The following RPS6KC1 variants were observed in gnomAD, a reference collection of about 807,000 sequenced individuals.
RPS6KC1 encodes ribosomal protein S6 kinase C1, also known as inactive ribosomal protein S6 kinase delta-1.
RPS6KC1 carries 54 observed loss-of-function variants against 103.8 expected under a neutral mutation model. That is an observed-to-expected ratio of 0.52 (90% CI 0.42 to 0.65). The LOEUF (loss-of-function observed/expected upper bound fraction) is 0.65, where lower values mean the gene tolerates loss of function less well. Among genes scored for constraint, RPS6KC1 ranks in the 30% least tolerant of loss-of-function variants. RPS6KC1 has a pLI of 0.00. For synonymous variants in RPS6KC1, 439 were observed against 438.7 expected (o/e 1.00, Z -0.01); for missense variants, 1,151 against 1,253.8 (o/e 0.92, Z 1.24).
At chr1:213,364,791 T>TA in the RPS6KC1 span, among the ~76,000 whole-genome samples, 122 of 151,864 alleles carry the variant, frequency 8.0e-4, no homozygotes, top group Middle Eastern at 3.4e-3. Context: ...GTGTCTCTAC[T>TA]AAAAAAAATC....
At chr1:213,160,560 C>T (rs2090362909) in intron 6 of RPS6KC1, among the ~76,000 whole-genome samples, 1 of 152,040 alleles carries the variant, frequency 6.6e-6, no homozygotes, top group Non-Finnish European at 1.5e-5. Context: ...TAGAGAAAGG[C>T]ACTAAGTTAT....
chr1:213,563,670 A>T, the RPS6KC1 span, among the ~76,000 whole-genome samples: 1 of 152,072 alleles, frequency 6.6e-6, no homozygotes. Context: ...ATCATCTAGG[A>T]TTGTGTTGTA....
At chr1:213,492,942 G>C in the RPS6KC1 span, among the ~76,000 whole-genome samples, 2 of 152,334 alleles carry the variant, frequency 1.3e-5, no homozygotes, top group Non-Finnish European at 2.9e-5. Context: ...TTTAAAAGTA[G>C]AGCCGCATTC....
chr1:213,715,430 G>A, the RPS6KC1 span, among the ~76,000 whole-genome samples: 1 of 152,164 alleles, frequency 6.6e-6, no homozygotes, highest in African/African-American at 2.4e-5. Context: ...GTTGAATGGG[G>A]ATATAGTGAA....
chr1:213,680,856 G>T, the RPS6KC1 span, among the ~76,000 whole-genome samples: 1 of 152,210 alleles, frequency 6.6e-6, no homozygotes, highest in Admixed American at 6.5e-5. Context: ...AACTTCCTCT[G>T]TGACTGGGCT....
the RPS6KC1 span, chr1:213,822,046 T>C: frequency 6.6e-6 from 1 of 152,342 alleles, no homozygotes; most frequent in East Asian, 1.9e-4. Context: ...GAACTGCTGG[T>C]TTCAGAAAGT....
At chr1:213,233,784 A>G (rs1004552770) in intron 10 of RPS6KC1, among the ~76,000 whole-genome samples, 11 of 152,114 alleles carry the variant, frequency 7.2e-5, no homozygotes, top group African/African-American at 2.4e-4. Flanking sequence ...CTTCTTTACT[A>G]TCGAGCATAC....
the RPS6KC1 span, among the ~76,000 whole-genome samples, chr1:213,439,262 G>A: frequency 6.6e-6 from 1 of 152,140 alleles, no homozygotes; most frequent in Non-Finnish European, 1.5e-5. Context: ...TCACTTCAAT[G>A]TGTGTTTCTC....
chr1:213,439,177 T>C, the RPS6KC1 span, among the ~76,000 whole-genome samples: 2 of 152,164 alleles, frequency 1.3e-5, no homozygotes, highest in East Asian at 3.8e-4. Context: ...GGTTTCCAAA[T>C]GCTCTAGGTC....
At chr1:213,248,684 T>C (rs2094495580) in intron 12 of RPS6KC1, among the ~76,000 whole-genome samples, 2 of 152,214 alleles carry the variant, frequency 1.3e-5, no homozygotes, top group Non-Finnish European at 2.9e-5. Flanking sequence ...TCTAGAATGC[T>C]GGAATCCATG....
chr1:213,591,269 G>A, the RPS6KC1 span, among the ~76,000 whole-genome samples: 1 of 152,176 alleles, frequency 6.6e-6, no homozygotes, highest in Non-Finnish European at 1.5e-5. Context: ...CTGAAGGCCA[G>A]GGTCAATTCC....
chr1:213,493,198 C>T, the RPS6KC1 span, among the ~76,000 whole-genome samples: 1 of 152,140 alleles, frequency 6.6e-6, no homozygotes, highest in African/African-American at 2.4e-5. Context: ...GCAGTTTGCA[C>T]TTAGTTATAG....
the RPS6KC1 span, among the ~76,000 whole-genome samples, chr1:213,688,318 C>T: frequency 1.1e-4 from 17 of 152,126 alleles, no homozygotes; most frequent in African/African-American, 3.9e-4. Flanking sequence ...CTCAGGCTCC[C>T]AGATGTCATA....
At chr1:213,776,057 T>C in the RPS6KC1 span, among the ~76,000 whole-genome samples, 1 of 152,196 alleles carries the variant, frequency 6.6e-6, no homozygotes, top group African/African-American at 2.4e-5. Flanking sequence ...CTAATTGTAT[T>C]TCTCTTGCTG....
At chr1:213,795,292 C>T in the RPS6KC1 span, among the ~76,000 whole-genome samples, 33 of 152,278 alleles carry the variant, frequency 2.2e-4, no homozygotes, top group East Asian at 6.0e-3. Context: ...GACTTTGTAA[C>T]CTAGGGCTGT....
At chr1:213,265,861 G>T (rs2094900030) in intron 14 of RPS6KC1, among the ~76,000 whole-genome samples, 1 of 152,184 alleles carries the variant, frequency 6.6e-6, no homozygotes, top group African/African-American at 2.4e-5. Context: ...GTGTAATGTT[G>T]TTGTTAAGAC....
the RPS6KC1 span, among the ~76,000 whole-genome samples, chr1:213,609,439 T>C: frequency 6.6e-6 from 1 of 152,148 alleles, no homozygotes; most frequent in African/African-American, 2.4e-5. Context: ...CTCAGTCCCA[T>C]GTACCAGCTT....
the RPS6KC1 span, among the ~76,000 whole-genome samples, chr1:213,687,390 C>T: frequency 6.6e-6 from 1 of 152,218 alleles, no homozygotes; most frequent in South Asian, 2.1e-4. Context: ...CTAAGCTCTT[C>T]CCGTCTAGTA....
At chr1:213,459,758 G>T in the RPS6KC1 span, among the ~76,000 whole-genome samples, 1 of 152,022 alleles carries the variant, frequency 6.6e-6, no homozygotes, top group Non-Finnish European at 1.5e-5. Flanking sequence ...CACTGCTTTA[G>T]CTATGTCCCA....
Sources: gnomAD v4.1 joint callset for allele counts (sites outside exome capture counted in the v4.1 genomes callset) on GRCh38, gnomAD v4.1.1 for gene constraint, MANE v1.5 for transcripts, NCBI Gene and HGNC (gene_info 2026-07-23, HGNC 2026-07-21) for gene names.